The following BAALC variants were observed in gnomAD, a reference collection of about 807,000 sequenced individuals.
BAALC encodes BAALC binder of MAP3K1 and KLF4, also known as brain and acute leukemia cytoplasmic protein.
Under a neutral mutation model 15.5 loss-of-function variants are expected in BAALC, and 9 were observed. The ratio of observed to expected loss-of-function variants is 0.58; its 90% CI spans 0.35 to 1.02. The LOEUF (loss-of-function observed/expected upper bound fraction) is 1.02, where lower values mean the gene tolerates loss of function less well. Among genes scored for constraint, BAALC ranks in the 50% least tolerant of loss-of-function variants. BAALC has a pLI of 0.02. For synonymous variants in BAALC, 80 were observed against 74.6 expected (o/e 1.07, Z -0.37); for missense variants, 201 against 192.4 (o/e 1.04, Z -0.27).
chr8:103,199,681 G>A (rs1207877268), intron 1 of BAALC, among the ~76,000 whole-genome samples: 1 of 151,648 alleles, frequency 6.6e-6, no homozygotes, highest in Non-Finnish European at 1.5e-5. Flanking sequence ...TTTAAGTTCA[G>A]GGGTACAAGT....
At chr8:103,222,332 T>G (rs796902318) in intron 2 of BAALC, among the ~76,000 whole-genome samples, 11 of 152,300 alleles carry the variant, frequency 7.2e-5, no homozygotes, top group African/African-American at 2.6e-4. Flanking sequence ...CAAGAGACTC[T>G]GTGGGGCAAT....
intron 1 of BAALC, among the ~76,000 whole-genome samples, chr8:103,143,451 T>C (rs534419286): frequency 3.3e-5 from 5 of 152,198 alleles, no homozygotes; most frequent in African/African-American, 1.2e-4. Context: ...TAGGAGTAAA[T>C]GAAAGAGCCA....
intron 1 of BAALC, among the ~76,000 whole-genome samples, chr8:103,188,101 G>A (rs1401078136): frequency 6.6e-6 from 1 of 152,114 alleles, no homozygotes; most frequent in Non-Finnish European, 1.5e-5. Context: ...CTTGGAGTAA[G>A]GCTGGGTTCA....
At chr8:103,179,974 TC>T (rs1811689389) in intron 1 of BAALC, among the ~76,000 whole-genome samples, 2 of 152,154 alleles carry the variant, frequency 1.3e-5, no homozygotes, top group Admixed American at 6.5e-5. Flanking sequence ...AAGTTGTTGT[TC>T]CTGGCGCAGA....
chr8:103,224,972 C>T (rs1812772091), intron 2 of BAALC, among the ~76,000 whole-genome samples: 1 of 152,154 alleles, frequency 6.6e-6, no homozygotes, highest in Non-Finnish European at 1.5e-5. Flanking sequence ...GTCCTCACTA[C>T]TCTTAGAAAG....
intron 1 of BAALC, among the ~76,000 whole-genome samples, chr8:103,195,561 A>T (rs74432265): frequency 0.05 from 7,591 of 152,098 alleles, 214 homozygotes; most frequent in South Asian, 0.11. Flanking sequence ...ACGAGGAGGG[A>T]GGGATGAGTG....
At chr8:103,150,383 CTG>C (rs141050731) in intron 1 of BAALC, among the ~76,000 whole-genome samples, 4 of 148,430 alleles carry the variant, frequency 2.7e-5, no homozygotes, top group South Asian at 2.1e-4. Flanking sequence ...CTGGGTGTGT[CTG>C]TGTGTGTGTG....
rs549767698 is a variant in BAALC at position 103,214,993 on chromosome 8, G to C, written c.327+1908G>C. On this transcript the variant is annotated intron_variant, in intron 2 of 2. Coordinates refer to ENST00000309982, the MANE Select transcript of BAALC (RefSeq NM_024812.3). ...TGGACCCACAGAACTACGTTCAAAA[G>C]CTTGATGACTGCTCTACCACAGGCC... 1.5e-4 allele frequency: 23 copies of C among 152,294 alleles called. 1 individual carries two copies. Among genetic ancestry groups the C allele is most frequent in the African/African-American group, 5.1e-4 (21 of 41,566 alleles). 9.4% of individuals were successfully genotyped at this position (152,294 alleles called of 1,614,324 possible).
chr8:103,155,158 C>T (rs1811064576), intron 1 of BAALC, among the ~76,000 whole-genome samples: 1 of 152,030 alleles, frequency 6.6e-6, no homozygotes, highest in South Asian at 2.1e-4. Flanking sequence ...TTAGATTGGA[C>T]CATATCTATT....
chr8:103,161,100 T>A (rs1586384197), intron 1 of BAALC, among the ~76,000 whole-genome samples: 1 of 152,270 alleles, frequency 6.6e-6, no homozygotes, highest in East Asian at 1.9e-4. Context: ...TCAGGAAAAA[T>A]TGCTGTTTCT....
intron 2 of BAALC, among the ~76,000 whole-genome samples, chr8:103,226,653 AAAG>A (rs1433283318): frequency 7.9e-5 from 12 of 152,312 alleles, no homozygotes. Context: ...ACATATACTT[AAAG>A]AACCTACAAT....
intron 1 of BAALC, among the ~76,000 whole-genome samples, chr8:103,149,268 C>A (rs1419241802): frequency 6.6e-6 from 1 of 152,166 alleles, no homozygotes; most frequent in Non-Finnish European, 1.5e-5. Flanking sequence ...TGCAGCTCTG[C>A]GGTGCTTACA....
intron 2 of BAALC, among the ~76,000 whole-genome samples, chr8:103,214,159 C>T (rs1172169889): frequency 6.6e-6 from 1 of 152,186 alleles, no homozygotes; most frequent in African/African-American, 2.4e-5. Context: ...TTTGCATGAT[C>T]TTCAGGAAGA....
intron 1 of BAALC, among the ~76,000 whole-genome samples, chr8:103,177,719 T>C (rs1811638477): frequency 6.6e-6 from 1 of 152,214 alleles, no homozygotes; most frequent in African/African-American, 2.4e-5. Flanking sequence ...GAAAATTACT[T>C]GAACTTTCTC....
intron 1 of BAALC, among the ~76,000 whole-genome samples, chr8:103,195,836 G>A (rs1419759651): frequency 1.3e-5 from 2 of 152,146 alleles, no homozygotes; most frequent in Admixed American, 6.5e-5. Flanking sequence ...AACAAATATT[G>A]TTTGAGCAAC....
At chr8:103,216,896 A>G (rs1184322846) in intron 2 of BAALC, among the ~76,000 whole-genome samples, 2 of 152,232 alleles carry the variant, frequency 1.3e-5, no homozygotes, top group Non-Finnish European at 2.9e-5. Flanking sequence ...TCCAATTTAC[A>G]GATGGGAATT....
chr8:103,197,375 T>G (rs1812119170), intron 1 of BAALC, among the ~76,000 whole-genome samples: 1 of 152,094 alleles, frequency 6.6e-6, no homozygotes, highest in Non-Finnish European at 1.5e-5. Context: ...TCATAACATC[T>G]ACCTACAACA....
At chr8:103,163,862 A>C (rs1319794129) in intron 1 of BAALC, among the ~76,000 whole-genome samples, 1 of 151,844 alleles carries the variant, frequency 6.6e-6, no homozygotes, top group Non-Finnish European at 1.5e-5. Flanking sequence ...CCTTCCCACA[A>C]ATATTCTTCA....
At chr8:103,189,843 T>C (rs533972727) in intron 1 of BAALC, among the ~76,000 whole-genome samples, 1 of 152,032 alleles carries the variant, frequency 6.6e-6, no homozygotes, top group Non-Finnish European at 1.5e-5. Context: ...CAATACGGTG[T>C]GAGGGAGAAA....
Sources: gnomAD v4.1 joint callset for allele counts (sites outside exome capture counted in the v4.1 genomes callset) on GRCh38, gnomAD v4.1.1 for gene constraint, MANE v1.5 for transcripts, NCBI Gene and HGNC (gene_info 2026-07-23, HGNC 2026-07-21) for gene names.